RBMS1: variants seen among roughly 807,000 people sequenced by gnomAD.
RBMS1 encodes the protein RNA-binding motif, single-stranded-interacting protein 1.
In RBMS1, 17 loss-of-function variants were observed where a neutral mutation model predicts 62.3. That is an observed-to-expected ratio of 0.27 (90% CI 0.19 to 0.41). The LOEUF is 0.41. Ranked by LOEUF, RBMS1 falls within the 10% of genes least tolerant of loss-of-function variation. The pLI is 1.00. For missense variants in RBMS1, 334 were observed against 504.5 expected, an observed-to-expected ratio of 0.66 and a Z score of 3.24; for synonymous variants, 172 against 170.0, an observed-to-expected ratio of 1.01 and a Z score of -0.09.
chr2:160,279,580 A>G (rs1434881119), intron 10 of RBMS1: 1 of 152,194 alleles, frequency 6.6e-6, no homozygotes, highest in Non-Finnish European at 1.5e-5. Context: ...ATTTTTTTAA[A>G]TGGTTACATT....
At chr2:160,448,291 C>A (rs1260236762) in intron 1 of RBMS1, among the ~76,000 whole-genome samples, 2 of 150,686 alleles carry the variant, frequency 1.3e-5, no homozygotes, top group Admixed American at 6.6e-5. Context: ...CCCCCTCCCC[C>A]TCCCCCTCCC....
chr2:160,470,679 C>T (rs973757847), intron 1 of RBMS1, among the ~76,000 whole-genome samples: 3 of 152,060 alleles, frequency 2.0e-5, no homozygotes, highest in Non-Finnish European at 2.9e-5. Flanking sequence ...TGATACCATC[C>T]GTGGCCCTCA....
chr2:160,386,764 T>C (rs1299648319), intron 1 of RBMS1, among the ~76,000 whole-genome samples: 1 of 152,116 alleles, frequency 6.6e-6, no homozygotes, highest in East Asian at 1.9e-4. Flanking sequence ...CCTCCAGAAC[T>C]GTGACAAATA....
At chr2:160,365,178 T>C (rs1422631279) in intron 2 of RBMS1, among the ~76,000 whole-genome samples, 1 of 152,210 alleles carries the variant, frequency 6.6e-6, no homozygotes, top group Non-Finnish European at 1.5e-5. Context: ...GCAAGTCAAA[T>C]TTGGTATTTA....
intron 1 of RBMS1, among the ~76,000 whole-genome samples, chr2:160,449,351 G>A (rs1031159912): frequency 6.2e-4 from 95 of 152,390 alleles, no homozygotes; most frequent in Non-Finnish European, 1.2e-3. Flanking sequence ...TTGAGAATGG[G>A]CCATGATGAC....
chr2:160,281,188 C>G, intron 10 of RBMS1, 126 bp downstream of exon 10: 1 of 562,448 alleles, frequency 1.8e-6, no homozygotes. Flanking sequence ...TGAAATTGTA[C>G]ATTCTCATAT....
At chr2:160,481,437 A>C (rs1404110400) in intron 1 of RBMS1, among the ~76,000 whole-genome samples, 1 of 152,092 alleles carries the variant, frequency 6.6e-6, no homozygotes, top group Non-Finnish European at 1.5e-5. Flanking sequence ...TTATCATAAA[A>C]GATTGGTAAA....
chr2:160,405,327 C>G (rs1339705385), intron 1 of RBMS1, among the ~76,000 whole-genome samples: 1 of 151,438 alleles, frequency 6.6e-6, no homozygotes, highest in Admixed American at 6.6e-5. Context: ...AGACTAAAAT[C>G]AAACTGCATC....
chr2:160,284,579 T>A, intron 9 of RBMS1, 196 bp downstream of exon 9: 1 of 568,368 alleles, frequency 1.8e-6, no homozygotes. Context: ...GACAAACATT[T>A]TCCTTTGCTT....
chr2:160,291,486 A>G (rs971001561), intron 6 of RBMS1, among the ~76,000 whole-genome samples: 1 of 152,150 alleles, frequency 6.6e-6, no homozygotes, highest in Non-Finnish European at 1.5e-5. Flanking sequence ...AATATTATCT[A>G]TTTTTTATGG....
chr2:160,318,367 T>A, intron 2 of RBMS1, 140 bp from the exon 3 acceptor site: 8 of 1,265,682 alleles, frequency 6.3e-6, no homozygotes, highest in Non-Finnish European at 8.3e-6. Flanking sequence ...AAATTTTCTT[T>A]ACTAAGAGAC....
chr2:160,343,400 C>T (rs1161636181), intron 2 of RBMS1, among the ~76,000 whole-genome samples: 1 of 152,184 alleles, frequency 6.6e-6, no homozygotes, highest in East Asian at 1.9e-4. Flanking sequence ...CACTGAGCCA[C>T]ATTTTGCTGT....
At chr2:160,327,243 TGA>T (rs1169703477) in intron 2 of RBMS1, among the ~76,000 whole-genome samples, 1 of 152,240 alleles carries the variant, frequency 6.6e-6, no homozygotes, top group Non-Finnish European at 1.5e-5. Flanking sequence ...ACCCAGATTT[TGA>T]GACTAATAAC....
intron 6 of RBMS1, among the ~76,000 whole-genome samples, chr2:160,299,249 C>T (rs1030180533): frequency 1.3e-5 from 2 of 152,120 alleles, no homozygotes; most frequent in African/African-American, 2.4e-5. Flanking sequence ...CTGTAAGGAA[C>T]CAGAGTGCTT....
At position 160,360,567 on chromosome 2, in the gene RBMS1, C is replaced by G. The variant is rs996386670; in HGVS notation, c.251+6649G>C. 2.0e-5 allele frequency among the ~76,000 whole-genome samples: 3 copies of G among 152,282 alleles called. No individual in the cohort carries two copies. In the South Asian group the frequency reaches 6.2e-4, roughly 32 times the overall value. On this transcript the variant is annotated intron_variant, in intron 2 of 13. Transcript: ENST00000348849. ...CACTGACACCCCGTCATGGGAACCC[C>G]GGGTAACTAACAACTGCCGAGTGCC... is the stretch of plus-strand genomic sequence containing the variant.
At chr2:160,333,927 T>TA (rs375353012) in intron 2 of RBMS1, among the ~76,000 whole-genome samples, 21 of 147,794 alleles carry the variant, frequency 1.4e-4, no homozygotes, top group East Asian at 5.9e-4. Context: ...CTAGTGAACT[T>TA]AAAAAAAAAA....
At chr2:160,344,727 AC>A (rs1692082271) in intron 2 of RBMS1, among the ~76,000 whole-genome samples, 1 of 151,990 alleles carries the variant, frequency 6.6e-6, no homozygotes, top group Non-Finnish European at 1.5e-5. Flanking sequence ...AGAGAAGAAA[AC>A]CCATTATTAC....
At chr2:160,442,918 C>A (rs1439242832) in intron 1 of RBMS1, among the ~76,000 whole-genome samples, 1 of 152,058 alleles carries the variant, frequency 6.6e-6, no homozygotes, top group East Asian at 1.9e-4. Context: ...ATTAAAATGA[C>A]CTTGAGGCTG....
Position 160,384,375 on chromosome 2 carries a change from T to C in RBMS1, c.76-16984A>G, listed in dbSNP as rs186184139. On this transcript the variant is annotated intron_variant, in intron 1 of 13. Transcript: ENST00000348849. ...ATGTCCCAATTTATTTCTAAAACAT[T>C]TCTAACTGCTACAACATAGAACAAG... Among the ~76,000 whole-genome samples, 344 of 152,308 alleles carry C rather than the reference T, an allele frequency of 2.3e-3. 1 individual carries two copies. Among genetic ancestry groups the C allele is most frequent in the Non-Finnish European group, 4.2e-3 (284 of 68,024 alleles).
Sources: gnomAD v4.1 joint callset for allele counts (sites outside exome capture counted in the v4.1 genomes callset) on GRCh38, gnomAD v4.1.1 for gene constraint, MANE v1.5 for transcripts, NCBI Gene and HGNC (gene_info 2026-07-23, HGNC 2026-07-21) for gene names.